The following CDH12 variants were observed in gnomAD, a reference collection of about 807,000 sequenced individuals.
CDH12 encodes cadherin 12.
CDH12 carries 41 observed loss-of-function variants against 74.1 expected under a neutral mutation model. The observed-to-expected ratio is 0.55, with a 90% confidence interval of 0.43 to 0.72. The LOEUF (loss-of-function observed/expected upper bound fraction) is 0.72, where lower values mean the gene tolerates loss of function less well. CDH12 is among the 30% of genes least tolerant of loss of function. The probability of loss-of-function intolerance (pLI) is 0.00; values close to 1 mark genes in which losing one functional copy is unlikely to be tolerated. For missense variants in CDH12, 945 were observed against 977.2 expected, an observed-to-expected ratio of 0.97 and a Z score of 0.44; for synonymous variants, 399 against 355.0, an observed-to-expected ratio of 1.12 and a Z score of -1.39.
chr5:22,185,199 C>CT (rs10656260), intron 4 of CDH12, among the ~76,000 whole-genome samples: 57,148 of 138,004 alleles, frequency 0.41, 12,311 homozygotes, highest in East Asian at 0.55. Flanking sequence ...CTCTCTCTCT[C>CT]TTTTTTTTTT....
At chr5:21,910,669 G>A (rs558455325) in intron 6 of CDH12, among the ~76,000 whole-genome samples, 1 of 114,040 alleles carries the variant, frequency 8.8e-6, no homozygotes, top group Non-Finnish European at 1.9e-5. Flanking sequence ...AGAAAGGTAG[G>A]ATTTATCTTT....
At chr5:22,732,009 G>T (rs1744452357) in intron 1 of CDH12, among the ~76,000 whole-genome samples, 1 of 151,814 alleles carries the variant, frequency 6.6e-6, no homozygotes, top group Admixed American at 6.6e-5. Flanking sequence ...GGGTTGAACT[G>T]TTTCTCCCAA....
intron 5 of CDH12, among the ~76,000 whole-genome samples, chr5:22,035,914 T>C (rs546581585): frequency 6.6e-6 from 1 of 152,166 alleles, no homozygotes; most frequent in Non-Finnish European, 1.5e-5. Context: ...TTCATTAGGA[T>C]TATATGAGAC....
chr5:22,425,059 C>T, intron 2 of CDH12, among the ~76,000 whole-genome samples: 2 of 95,128 alleles, frequency 2.1e-5, no homozygotes, highest in African/African-American at 4.7e-5. Flanking sequence ...AGAATTTTTA[C>T]ATTTATATAT....
chr5:22,007,021 T>C (rs1435377061), intron 5 of CDH12, among the ~76,000 whole-genome samples: 2 of 152,152 alleles, frequency 1.3e-5, no homozygotes, highest in African/African-American at 4.8e-5. Flanking sequence ...TTATTTAAAA[T>C]TATTTATTTA....
At chr5:21,898,565 G>A (rs985571305) in intron 6 of CDH12, among the ~76,000 whole-genome samples, 2 of 151,996 alleles carry the variant, frequency 1.3e-5, no homozygotes, top group Non-Finnish European at 2.9e-5. Context: ...AGCTGGGCGT[G>A]GTGGCGGGCG....
intron 6 of CDH12, among the ~76,000 whole-genome samples, chr5:21,920,582 T>C (rs1754305037): frequency 6.6e-6 from 1 of 151,526 alleles, no homozygotes; most frequent in African/African-American, 2.4e-5. Context: ...ATGTATATGA[T>C]GGGTTGATGG....
At chr5:22,397,880 G>A (rs1742531874) in intron 3 of CDH12, among the ~76,000 whole-genome samples, 1 of 152,000 alleles carries the variant, frequency 6.6e-6, no homozygotes, top group East Asian at 1.9e-4. Context: ...GCAGGGGGAA[G>A]GCTATTTAAA....
At chr5:22,327,230 G>A (rs963588246) in intron 3 of CDH12, among the ~76,000 whole-genome samples, 2 of 152,092 alleles carry the variant, frequency 1.3e-5, no homozygotes, top group Non-Finnish European at 2.9e-5. Flanking sequence ...AGGTCAACAT[G>A]TAATGTCTTC....
At chr5:21,860,657 G>A (rs891369855) in intron 6 of CDH12, among the ~76,000 whole-genome samples, 1 of 149,288 alleles carries the variant, frequency 6.7e-6, no homozygotes, top group Non-Finnish European at 1.5e-5. Context: ...GAGCTGACTT[G>A]CTGAGTCTTC....
intron 3 of CDH12, among the ~76,000 whole-genome samples, chr5:22,260,110 G>T (rs576932865): frequency 1.3e-5 from 2 of 152,118 alleles, no homozygotes; most frequent in African/African-American, 4.8e-5. Flanking sequence ...GATCATATAG[G>T]TCTTACTTTT....
At chr5:22,013,220 GA>G (rs1737398845) in intron 5 of CDH12, among the ~76,000 whole-genome samples, 1 of 152,156 alleles carries the variant, frequency 6.6e-6, no homozygotes, top group African/African-American at 2.4e-5. Flanking sequence ...GGGAAGCAAG[GA>G]ATCTTCTTCA....
At chr5:21,954,969 C>T (rs1483942159) in intron 6 of CDH12, among the ~76,000 whole-genome samples, 2 of 152,032 alleles carry the variant, frequency 1.3e-5, no homozygotes, top group Non-Finnish European at 2.9e-5. Context: ...GCACTTGCCC[C>T]AGAAGATACA....
chr5:21,780,390 C>T (rs932322574), intron 11 of CDH12, among the ~76,000 whole-genome samples: 3 of 152,132 alleles, frequency 2.0e-5, no homozygotes, highest in African/African-American at 4.8e-5. Context: ...TAGACCTTAT[C>T]GTTATGAGTG....
intron 11 of CDH12, among the ~76,000 whole-genome samples, chr5:21,773,015 A>C (rs1025448719): frequency 6.6e-6 from 1 of 152,212 alleles, no homozygotes; most frequent in Non-Finnish European, 1.5e-5. Flanking sequence ...ACAGTCTATC[A>C]CAATACAAAT....
intron 4 of CDH12, among the ~76,000 whole-genome samples, chr5:22,166,294 T>C (rs1748677719): frequency 6.6e-6 from 1 of 152,214 alleles, no homozygotes; most frequent in Admixed American, 6.5e-5. Flanking sequence ...CCTAGTTAGA[T>C]AGTAGCTTCT....
chr5:22,711,744 G>T (rs945976031), intron 1 of CDH12, among the ~76,000 whole-genome samples: 13 of 152,000 alleles, frequency 8.6e-5, no homozygotes, highest in Non-Finnish European at 1.8e-4. Context: ...AATAAAACAT[G>T]TTGTGAAATA....
At chr5:22,552,830 T>C (rs1439711746) in intron 1 of CDH12, among the ~76,000 whole-genome samples, 1 of 152,150 alleles carries the variant, frequency 6.6e-6, no homozygotes, top group Non-Finnish European at 1.5e-5. Flanking sequence ...CCCAATGGAT[T>C]CTGGCACACA....
intron 1 of CDH12, among the ~76,000 whole-genome samples, chr5:22,781,015 T>C (rs569183726): frequency 6.6e-6 from 1 of 152,298 alleles, no homozygotes; most frequent in South Asian, 2.1e-4. Flanking sequence ...CTCTTCACTA[T>C]AAATGTGACA....
Sources: gnomAD v4.1 joint callset for allele counts (sites outside exome capture counted in the v4.1 genomes callset) on GRCh38, gnomAD v4.1.1 for gene constraint, MANE v1.5 for transcripts, NCBI Gene and HGNC (gene_info 2026-07-23, HGNC 2026-07-21) for gene names.